The following RIF1 variants were observed in gnomAD, a reference collection of about 807,000 sequenced individuals.
The protein encoded by RIF1 is replication timing regulatory factor 1, also known as telomere-associated protein RIF1.
Under a neutral mutation model 247.1 loss-of-function variants are expected in RIF1, and 45 were observed. That is an observed-to-expected ratio of 0.18 (90% CI 0.14 to 0.23). The LOEUF is 0.23. RIF1 is among the 10% of genes least tolerant of loss of function. RIF1 has a pLI of 1.00. For synonymous variants in RIF1, 1,087 were observed against 978.8 expected, an observed-to-expected ratio of 1.11 and a Z score of -2.06; for missense variants, 2,967 against 2,862.5, an observed-to-expected ratio of 1.04 and a Z score of -0.83.
In RIF1 at chr2:151,465,199, T is replaced by G. The variant is rs200949794; in HGVS notation, c.5679T>G (p.Ser1893Arg). 3.8e-5 allele frequency: 61 copies of G among 1,612,130 alleles called. No homozygotes were observed. Among genetic ancestry groups the G allele is most frequent in the Non-Finnish European group, 3.7e-5 (44 of 1,179,626 alleles). ...AAGAAACCCCAAAAATGGAACTGAG[T>G]CTAGAGAATGTTACTGTTGAAGGAA... ...KPEETPKMELSLENVTVEGNA... is the reference protein window; with the variant it reads ...KPEETPKMELRLENVTVEGNA... Residue 1893 changes from serine to arginine, a missense_variant, in exon 30 of 36, where the codon AGT becomes AGG. By Grantham distance (110) the Ser-to-Arg change is moderately radical. Around this residue, in one of 7 missense-constraint regions of RIF1, gnomAD observed 2,028 missense variants for 1,825.6 expected, o/e 1.11. Coordinates refer to ENST00000444746, the MANE Select transcript of RIF1 (RefSeq NM_018151.5).
the RIF1 span, chr2:151,533,529 A>G: frequency 6.4e-7 from 1 of 1,550,532 alleles, no homozygotes; most frequent in Non-Finnish European, 8.7e-7. Context: ...ACATCTTGGC[A>G]CTAGATTTAT....
At chr2:151,415,451 G>C (rs558284847) in intron 4 of RIF1, among the ~76,000 whole-genome samples, 1 of 151,516 alleles carries the variant, frequency 6.6e-6, no homozygotes, top group Non-Finnish European at 1.5e-5. Context: ...AAGATTAGCC[G>C]GGCGTGGTGG....
chr2:151,441,478 C>T (rs1692283441), intron 15 of RIF1, among the ~76,000 whole-genome samples: 1 of 152,088 alleles, frequency 6.6e-6, no homozygotes, highest in African/African-American at 2.4e-5. Flanking sequence ...TGCAAAAATT[C>T]CGTAACAAGG....
chr2:151,514,790 G>A, the RIF1 span: 1 of 1,428,724 alleles, frequency 7.0e-7, no homozygotes, highest in Middle Eastern at 1.7e-4. Flanking sequence ...TGGATTAAGA[G>A]GGAAAGAAAA....
downstream of RIF1, among the ~76,000 whole-genome samples, chr2:151,510,674 A>ATCTC (rs2073514893): frequency 6.6e-6 from 1 of 152,160 alleles, no homozygotes; most frequent in Non-Finnish European, 1.5e-5. Context: ...ATTGTTGTTA[A>ATCTC]TCTCTTACTG....
At chr2:151,498,267 A>G (rs890824441) in intron 10 of RIF1, 2 of 1,551,456 alleles carry the variant, frequency 1.3e-6, no homozygotes, top group Non-Finnish European at 8.7e-7. Flanking sequence ...TACCGAGCTA[A>G]GGTTTTCTTG....
intron 23 of RIF1, 29 bp downstream of exon 23, chr2:151,456,649 T>C: frequency 7.8e-7 from 1 of 1,282,312 alleles, no homozygotes; most frequent in Admixed American, 2.1e-5. Context: ...CCATAAACCA[T>C]ACTTTCATGA....
At chr2:151,524,508 C>CCCTTACCTCACTG in the RIF1 span, 1 of 1,613,854 alleles carries the variant, frequency 6.2e-7, no homozygotes. Flanking sequence ...TTTCATGACA[C>CCCTTACCTCACTG]CCTTACCTCA....
chr2:151,444,434 C>T (rs944808465), intron 18 of RIF1, among the ~76,000 whole-genome samples: 4 of 152,172 alleles, frequency 2.6e-5, no homozygotes, highest in Admixed American at 6.5e-5. Flanking sequence ...TTCAGCCTCC[C>T]AAATGGCTGG....
At chr2:151,501,843 G>C (rs1268067239) in intron 11 of RIF1, among the ~76,000 whole-genome samples, 2 of 152,110 alleles carry the variant, frequency 1.3e-5, no homozygotes, top group African/African-American at 4.8e-5. Context: ...AGGAGAGAGA[G>C]AGACAGGTAG....
At chr2:151,527,106 C>T in the RIF1 span, 1 of 874,556 alleles carries the variant, frequency 1.1e-6, no homozygotes, top group Non-Finnish European at 1.8e-6. Flanking sequence ...ACAGGGAGTC[C>T]TCTTAAGGAG....
chr2:151,492,225 T>G lies in RIF1; in HGVS notation c.*416-3004T>G. On this transcript the variant is annotated intron_variant and NMD_transcript_variant, in intron 9 of 13. Coordinates refer to the RIF1 transcript ENST00000454583. ...TCTTTACTCGTTCAGTGATAGGATC[T>G]GTCACCACTGGTGTGAAGCAACCCT... 2 of 1,614,000 alleles carry G rather than the reference T, an allele frequency of 1.2e-6. No homozygotes were observed. The highest frequency in any genetic ancestry group is 1.7e-6 in the Non-Finnish European group (2 of 1,179,858).
chr2:151,532,363 A>G, the RIF1 span, among the ~76,000 whole-genome samples: 13 of 152,248 alleles, frequency 8.5e-5, no homozygotes, highest in East Asian at 2.1e-3. Flanking sequence ...TACTCATAAC[A>G]TATTGTATTG....
the RIF1 span, chr2:151,532,151 C>A: frequency 3.2e-6 from 1 of 311,958 alleles, no homozygotes; most frequent in Non-Finnish European, 6.0e-6. Context: ...GGCTGGAGTG[C>A]AGTGGTGCGA....
intron 8 of RIF1, 97 bp from the exon 9 acceptor site, chr2:151,428,687 C>G (rs1056020051): frequency 4.3e-6 from 4 of 936,138 alleles, no homozygotes; most frequent in Non-Finnish European, 6.8e-6. Context: ...TTATGAAGTC[C>G]TAAGAGCATC....
chr2:151,462,808 A>C (rs577275722), intron 29 of RIF1, 76 bp from the exon 30 acceptor site: 1 of 1,157,396 alleles, frequency 8.6e-7, no homozygotes, highest in Admixed American at 2.6e-5. Flanking sequence ...TTTACACTAA[A>C]GTTTTCCCAG....
At chr2:151,512,398 T>C (rs898878301), downstream of RIF1, among the ~76,000 whole-genome samples, 3 of 151,840 alleles carry the variant, frequency 2.0e-5, no homozygotes, top group African/African-American at 7.3e-5. Context: ...CAGTCACAGC[T>C]GACTGCAGCC....
chr2:151,441,210 C>A (rs936014818), intron 15 of RIF1, among the ~76,000 whole-genome samples: 1 of 151,946 alleles, frequency 6.6e-6, no homozygotes, highest in Non-Finnish European at 1.5e-5. Flanking sequence ...AACAATGAGA[C>A]CCTGTCTCAA....
At chr2:151,519,853 G>T in the RIF1 span, 1 of 853,858 alleles carries the variant, frequency 1.2e-6, no homozygotes, top group Non-Finnish European at 2.0e-6. Flanking sequence ...AAATGCCAAA[G>T]AATATGCATT....
Sources: gnomAD v4.1 joint callset for allele counts (sites outside exome capture counted in the v4.1 genomes callset) on GRCh38, gnomAD v4.1.1 for gene constraint, gnomAD v4.1.1 regional missense constraint, MANE v1.5 for transcripts, NCBI Gene and HGNC (gene_info 2026-07-23, HGNC 2026-07-21) for gene names.